Variants in PTPRD observed in about 807,000 individuals in gnomAD.
The protein encoded by PTPRD is protein tyrosine phosphatase receptor type D, also known as receptor-type tyrosine-protein phosphatase delta.
Under a neutral mutation model 214.5 loss-of-function variants are expected in PTPRD, and 34 were observed. The observed-to-expected ratio is 0.16, with a 90% CI of 0.12 to 0.21. PTPRD has a LOEUF of 0.21. Ranked by LOEUF, PTPRD falls within the 10% of genes least tolerant of loss-of-function variation. The pLI is 1.00. For synonymous variants in PTPRD, 1,128 were observed against 845.7 expected, an observed-to-expected ratio of 1.33 and a Z score of -5.79; for missense variants, 2,545 against 2,398.7, an observed-to-expected ratio of 1.06 and a Z score of -1.27.
At chr9:10,147,139 A>G (rs1189419750) in intron 3 of PTPRD, among the ~76,000 whole-genome samples, 2 of 152,150 alleles carry the variant, frequency 1.3e-5, no homozygotes, top group Non-Finnish European at 2.9e-5. Context: ...TTATATGGAG[A>G]TGAACCCTTT....
intron 6 of PTPRD, among the ~76,000 whole-genome samples, chr9:9,766,139 G>A (rs1424532606): frequency 1.3e-5 from 2 of 152,118 alleles, no homozygotes; most frequent in Non-Finnish European, 2.9e-5. Flanking sequence ...TTTCCTCTAT[G>A]TAACGTTTAT....
chr9:10,296,358 G>A (rs2095672454), intron 3 of PTPRD, among the ~76,000 whole-genome samples: 1 of 151,866 alleles, frequency 6.6e-6, no homozygotes, highest in South Asian at 2.1e-4. Context: ...TTCAGGAAAG[G>A]ACCCCCCTCA....
At chr9:8,440,681 AAT>A (rs1255998245) in intron 34 of PTPRD, among the ~76,000 whole-genome samples, 1 of 152,220 alleles carries the variant, frequency 6.6e-6, no homozygotes, top group Non-Finnish European at 1.5e-5. Flanking sequence ...TGATCTCCAC[AAT>A]ATAGAGTCAA....
chr9:9,983,513 G>A (rs2095611433), intron 4 of PTPRD, among the ~76,000 whole-genome samples: 1 of 152,138 alleles, frequency 6.6e-6, no homozygotes, highest in South Asian at 2.1e-4. Context: ...TAAAATACAG[G>A]CAAAGCACTT....
At chr9:8,396,983 G>A (rs533400591) in intron 36 of PTPRD, among the ~76,000 whole-genome samples, 1 of 152,238 alleles carries the variant, frequency 6.6e-6, no homozygotes, top group Non-Finnish European at 1.5e-5. Flanking sequence ...CTTCATCACA[G>A]TTGCAAACGA....
At chr9:9,088,581 G>GAAAAAAAAA (rs533619970) in intron 10 of PTPRD, among the ~76,000 whole-genome samples, 1,433 of 33,020 alleles carry the variant, frequency 0.043, 201 homozygotes, top group East Asian at 0.094. Context: ...CTTAGTCTCA[G>GAAAAAAAAA]AAAAAAAAAA....
At chr9:9,729,450 C>A (rs141733486) in intron 7 of PTPRD, among the ~76,000 whole-genome samples, 2 of 151,978 alleles carry the variant, frequency 1.3e-5, no homozygotes, top group African/African-American at 4.8e-5. Context: ...TATGACCACA[C>A]CTAACTGCAA....
chr9:9,901,926 G>T (rs2076497104), intron 5 of PTPRD, among the ~76,000 whole-genome samples: 1 of 152,138 alleles, frequency 6.6e-6, no homozygotes, highest in South Asian at 2.1e-4. Context: ...CATGAAAACA[G>T]CAAATATTTT....
chr9:8,847,799 T>C (rs2097728260), intron 11 of PTPRD, among the ~76,000 whole-genome samples: 1 of 152,094 alleles, frequency 6.6e-6, no homozygotes, highest in Admixed American at 6.6e-5. Context: ...ATAATGAAAC[T>C]AACGGGTGAA....
chr9:10,421,041 TACACTA>T (rs1297073905), intron 2 of PTPRD, among the ~76,000 whole-genome samples: 2 of 151,840 alleles, frequency 1.3e-5, no homozygotes, highest in African/African-American at 4.8e-5. Flanking sequence ...ATACATAAAA[TACACTA>T]ACACTAACAA....
In PTPRD at chr9:8,679,387, G is replaced by C. The variant is rs79640341; in HGVS notation, c.65-42543C>G. Among the ~76,000 whole-genome samples, 327 of 152,252 alleles carry C rather than the reference G, an allele frequency of 2.1e-3. 1 individual carries two copies. Among genetic ancestry groups the C allele is most frequent in the Non-Finnish European group, 3.6e-3 (248 of 68,014 alleles). On this transcript the variant is annotated intron_variant, in intron 12 of 45. Transcript: ENST00000381196. ...ACTTTCCCACAGTTATGAGAAAAAT[G>C]TGTGATCCTTGATGGTCATCACTTC...
At chr9:10,561,913 T>C (rs1255369841) in intron 2 of PTPRD, among the ~76,000 whole-genome samples, 1 of 152,168 alleles carries the variant, frequency 6.6e-6, no homozygotes, top group Non-Finnish European at 1.5e-5. Flanking sequence ...AAGTATGTAT[T>C]TTATGTTTCA....
chr9:9,413,163 G>A (rs1054349270), intron 8 of PTPRD, among the ~76,000 whole-genome samples: 5 of 120,666 alleles, frequency 4.1e-5, no homozygotes, highest in Non-Finnish European at 8.1e-5. Flanking sequence ...GCCGGACTGC[G>A]GACTGCAGTG....
At chr9:10,121,447 G>C (rs891813989) in intron 3 of PTPRD, among the ~76,000 whole-genome samples, 1 of 152,102 alleles carries the variant, frequency 6.6e-6, no homozygotes, top group Non-Finnish European at 1.5e-5. Flanking sequence ...TCATTGATAA[G>C]GGCAAGCCAG....
chr9:8,396,874 G>T (rs12338276), intron 36 of PTPRD, among the ~76,000 whole-genome samples: 4,144 of 152,130 alleles, frequency 0.027, 185 homozygotes, highest in African/African-American at 0.095. Context: ...CTATTTAAAA[G>T]AAATTAAGCT....
intron 8 of PTPRD, among the ~76,000 whole-genome samples, chr9:9,434,856 A>T (rs1208369968): frequency 2.0e-5 from 3 of 148,502 alleles, no homozygotes; most frequent in Non-Finnish European, 4.5e-5. Flanking sequence ...ATAGTATAAT[A>T]TATAATCTAT....
At position 10,493,352 on chromosome 9, in the gene PTPRD, T is replaced by G. The variant is rs916501131; in HGVS notation, c.-600+119046A>C. Among the ~76,000 whole-genome samples the G allele has an allele frequency of 8.5e-5, 13 of 152,154 alleles. No homozygotes were observed. In the South Asian group the frequency reaches 2.7e-3, roughly 32 times the overall value. ...CACCCTACCTGAATTCAAACTATACTACAAGCCTACAGTAAACAAAACAGC... is the reference window on the plus strand; with the variant it reads ...CACCCTACCTGAATTCAAACTATACGACAAGCCTACAGTAAACAAAACAGC... On this transcript the variant is annotated intron_variant, in intron 2 of 45. Coordinates refer to ENST00000381196, the MANE Select transcript of PTPRD (RefSeq NM_002839.4).
In PTPRD at chr9:10,454,389, G is replaced by A. The variant is rs942440026; in HGVS notation, c.-599-113372C>T. Among the ~76,000 whole-genome samples, 4 of 151,122 alleles carry A rather than the reference G, an allele frequency of 2.6e-5. No homozygotes were observed. In the South Asian group the frequency reaches 8.3e-4, roughly 31 times the overall value. On this transcript the variant is annotated intron_variant, in intron 2 of 45. Coordinates refer to ENST00000381196, the MANE Select transcript of PTPRD (RefSeq NM_002839.4). ...ATGACAATACATCTCCAGGATCCTTGAGCCAAATACATTCCTCAGAATACT... is the reference window on the plus strand; with the variant it reads ...ATGACAATACATCTCCAGGATCCTTAAGCCAAATACATTCCTCAGAATACT...
intron 11 of PTPRD, among the ~76,000 whole-genome samples, chr9:8,836,229 C>T (rs1005077733): frequency 3.3e-5 from 5 of 151,930 alleles, no homozygotes; most frequent in Non-Finnish European, 5.9e-5. Context: ...TTAATTCAGG[C>T]GTAAATACTG....
Sources: allele counts gnomAD v4.1 joint callset (sites outside exome capture counted in the v4.1 genomes callset), GRCh38; gene constraint gnomAD v4.1.1; transcripts MANE v1.5; gene names NCBI Gene and HGNC (gene_info 2026-07-23, HGNC 2026-07-21).